MAPK10: variants seen among roughly 807,000 people sequenced by gnomAD.
The protein encoded by MAPK10 is JNK3 alpha protein kinase.
MAPK10 carries 25 observed loss-of-function variants against 59.3 expected under a neutral mutation model. The ratio of observed to expected loss-of-function variants is 0.42; its 90% confidence interval spans 0.31 to 0.59. The LOEUF is 0.59. Ranked by LOEUF, MAPK10 falls within the 20% of genes least tolerant of loss-of-function variation. The probability of loss-of-function intolerance (pLI) is 0.15; values close to 1 mark genes in which losing one functional copy is unlikely to be tolerated. For synonymous variants in MAPK10, 190 were observed against 200.5 expected, an observed-to-expected ratio of 0.95 and a Z score of 0.44; for missense variants, 351 against 568.9, an observed-to-expected ratio of 0.62 and a Z score of 3.90.
intron 11 of MAPK10, chr4:86,031,660 A>AATATTGG: frequency 2.2e-6 from 1 of 450,342 alleles, no homozygotes; most frequent in Non-Finnish European, 4.0e-6. Flanking sequence ...TATTTGCAGC[A>AATATTGG]GAACGCAAAT....
intron 3 of MAPK10, chr4:86,193,609 AAGCTTG>A (rs1015707198): frequency 6.6e-6 from 1 of 152,290 alleles, no homozygotes; most frequent in African/African-American, 2.4e-5. Flanking sequence ...CCCCCCAACC[AAGCTTG>A]AGCATCCCAG....
intron 9 of MAPK10, among the ~76,000 whole-genome samples, chr4:86,086,037 G>A (rs2051747313): frequency 6.6e-6 from 1 of 152,072 alleles, no homozygotes; most frequent in African/African-American, 2.4e-5. Context: ...TGGGTGGAGG[G>A]AGAGCATTAG....
chr4:86,124,393 C>T (rs541148850), intron 4 of MAPK10: 2 of 151,734 alleles, frequency 1.3e-5, no homozygotes, highest in South Asian at 2.1e-4. Context: ...ACATAGCAAT[C>T]GGCATATTTT....
At chr4:86,202,796 G>C (rs2082936686) in intron 2 of MAPK10, among the ~76,000 whole-genome samples, 2 of 152,056 alleles carry the variant, frequency 1.3e-5, no homozygotes, top group South Asian at 4.1e-4. Flanking sequence ...ATGAAAAGCA[G>C]GCATCCTGAT....
At chr4:86,207,187 G>C (rs1322194318) in intron 2 of MAPK10, among the ~76,000 whole-genome samples, 1 of 150,982 alleles carries the variant, frequency 6.6e-6, no homozygotes, top group Admixed American at 6.6e-5. Flanking sequence ...TAGGTCTAAC[G>C]TTTAAGTCTT....
At chr4:86,369,572 T>C (rs533530343) in intron 1 of MAPK10, among the ~76,000 whole-genome samples, 1 of 152,306 alleles carries the variant, frequency 6.6e-6, no homozygotes, top group East Asian at 1.9e-4. Flanking sequence ...GTAGCTTATG[T>C]CTGGTCTAAA....
chr4:86,479,526 C>T (rs1033714780), intron 1 of MAPK10, among the ~76,000 whole-genome samples: 24 of 151,864 alleles, frequency 1.6e-4, no homozygotes, highest in South Asian at 6.3e-4. Flanking sequence ...AGTCATACTC[C>T]TATTCACCAT....
At chr4:86,542,477 G>T (rs1289265505) in intron 1 of MAPK10, 2 of 153,144 alleles carry the variant, frequency 1.3e-5, no homozygotes, top group Non-Finnish European at 2.9e-5. Context: ...CAGGAGGCTG[G>T]GACAGGGATC....
intron 1 of MAPK10, among the ~76,000 whole-genome samples, chr4:86,533,708 T>C (rs946619825): frequency 6.6e-6 from 1 of 152,224 alleles, no homozygotes; most frequent in African/African-American, 2.4e-5. Flanking sequence ...TGTAGCCTGA[T>C]TCTGAATGGT....
At chr4:86,155,644 CAAG>C (rs2067550473) in intron 4 of MAPK10, among the ~76,000 whole-genome samples, 1 of 151,886 alleles carries the variant, frequency 6.6e-6, no homozygotes, top group African/African-American at 2.4e-5. Flanking sequence ...AGGGGATTCA[CAAG>C]AATAATAAAT....
intron 1 of MAPK10, among the ~76,000 whole-genome samples, chr4:86,543,560 T>A (rs1364736326): frequency 6.6e-6 from 1 of 152,234 alleles, no homozygotes; most frequent in African/African-American, 2.4e-5. Flanking sequence ...ATTCTGTTTA[T>A]CTTTATTTCT....
chr4:86,060,822 A>G (rs1204744596), intron 11 of MAPK10, among the ~76,000 whole-genome samples: 2 of 152,140 alleles, frequency 1.3e-5, no homozygotes, highest in African/African-American at 4.8e-5. Flanking sequence ...TGGACCTAAA[A>G]TCATGTGGGA....
At chr4:86,116,726 A>G (rs913118187) in intron 4 of MAPK10, among the ~76,000 whole-genome samples, 11 of 152,366 alleles carry the variant, frequency 7.2e-5, no homozygotes, top group African/African-American at 2.6e-4. Context: ...TGCTTACTAA[A>G]TGTGGGCAAG....
At chr4:86,257,924 A>G (rs528124729) in intron 2 of MAPK10, among the ~76,000 whole-genome samples, 1 of 152,284 alleles carries the variant, frequency 6.6e-6, no homozygotes, top group African/African-American at 2.4e-5. Context: ...CTCCTGATCG[A>G]TTCATCACAC....
intron 3 of MAPK10, among the ~76,000 whole-genome samples, chr4:86,161,684 C>T (rs2069736108): frequency 6.6e-6 from 1 of 152,048 alleles, no homozygotes; most frequent in Non-Finnish European, 1.5e-5. Context: ...AAATCTTTAG[C>T]ACACACTAGC....
At chr4:86,109,222 T>TA (rs1343128629) in intron 4 of MAPK10, among the ~76,000 whole-genome samples, 1 of 152,204 alleles carries the variant, frequency 6.6e-6, no homozygotes, top group Non-Finnish European at 1.5e-5. Context: ...TTTCACTTTT[T>TA]AAAAAAATTT....
At chr4:86,123,160 G>A (rs1441249442) in intron 4 of MAPK10, among the ~76,000 whole-genome samples, 3 of 152,036 alleles carry the variant, frequency 2.0e-5, no homozygotes, top group Non-Finnish European at 2.9e-5. Context: ...TTGTCTTTCC[G>A]TGTCTGGTTT....
chr4:86,125,924 A>T (rs1371238378), intron 4 of MAPK10: 1 of 152,136 alleles, frequency 6.6e-6, no homozygotes, highest in Non-Finnish European at 1.5e-5. Flanking sequence ...TTTGGCTCAC[A>T]GGTTGGTGCT....
chr4:86,563,315 C>T (rs867299587), intron 1 of MAPK10, among the ~76,000 whole-genome samples: 5 of 151,958 alleles, frequency 3.3e-5, no homozygotes, highest in Middle Eastern at 6.8e-3. Context: ...GCCAACATAA[C>T]AATTCATTTA....
Sources: gnomAD v4.1 joint callset for allele counts (sites outside exome capture counted in the v4.1 genomes callset) on GRCh38, gnomAD v4.1.1 for gene constraint, MANE v1.5 for transcripts, NCBI Gene and HGNC (gene_info 2026-07-23, HGNC 2026-07-21) for gene names.